UGDH: variants seen among roughly 807,000 people sequenced by gnomAD.
UGDH encodes the protein UDP-Glc dehydrogenase.
Under a neutral mutation model 50.6 loss-of-function variants are expected in UGDH, and 38 were observed. The ratio of observed to expected loss-of-function variants is 0.75; its 90% CI spans 0.58 to 0.98. The LOEUF (loss-of-function observed/expected upper bound fraction) is 0.98. Among genes scored for constraint, UGDH ranks in the 50% least tolerant of loss-of-function variants. UGDH has a pLI of 0.00. For synonymous variants in UGDH, 168 were observed against 199.9 expected, an observed-to-expected ratio of 0.84 and a Z score of 1.35; for missense variants, 465 against 606.2, an observed-to-expected ratio of 0.77 and a Z score of 2.45.
At chr4:39,520,775 T>G (rs1284305777) in intron 2 of UGDH, among the ~76,000 whole-genome samples, 1 of 151,564 alleles carries the variant, frequency 6.6e-6, no homozygotes, top group Non-Finnish European at 1.5e-5. Context: ...CAGACAAAAT[T>G]AGGAAACAGG....
rs547660133 is a variant in UGDH at position 39,498,844 on chromosome 4, T to C, written c.*1299A>G. 97 of 152,310 alleles carry C rather than the reference T, an allele frequency of 6.4e-4. No homozygotes were observed. Among genetic ancestry groups the C allele is most frequent in the African/African-American group, 2.2e-3 (90 of 41,576 alleles). 9.4% of individuals were successfully genotyped at this position (152,310 alleles called of 1,614,324 possible). On this transcript the variant is annotated 3_prime_UTR_variant, in exon 12 of 12. Transcript: ENST00000316423. ...CTTTATATTTGTCTCCCTCTTCTCA[T>C]TGAACTGCAAAATTCCTGAAGGATG...
At chr4:39,523,099 G>A (rs1264262874) in intron 1 of UGDH, among the ~76,000 whole-genome samples, 2 of 152,002 alleles carry the variant, frequency 1.3e-5, no homozygotes, top group Non-Finnish European at 2.9e-5. Context: ...CACACAGGCT[G>A]AAGTGCAGTG....
intron 11 of UGDH, among the ~76,000 whole-genome samples, chr4:39,502,531 A>G (rs1745860044): frequency 6.6e-6 from 1 of 152,164 alleles, no homozygotes; most frequent in Non-Finnish European, 1.5e-5. Flanking sequence ...TGGGCACTAC[A>G]TTGACAACAA....
At chr4:39,525,779 G>C (rs1166013409) in intron 1 of UGDH, among the ~76,000 whole-genome samples, 2 of 152,324 alleles carry the variant, frequency 1.3e-5, no homozygotes, top group Admixed American at 6.5e-5. Context: ...AAAGTGCTGG[G>C]ATTACAGGCG....
Position 39,510,656 on chromosome 4 carries a change from T to C in UGDH, c.465+5A>G. ...AACCAGATTCTAATGCTTCATTTTT[T>C]ATACCTGTAAATTCAAGTTGGGTTT... On this transcript the variant is annotated splice_donor_5th_base_variant and intron_variant, in intron 4 of 11. Transcript: ENST00000316423. 6.2e-7 allele frequency: 1 copy of C among 1,614,234 alleles called. No individual in the cohort carries two copies. Among genetic ancestry groups the C allele is most frequent in the Non-Finnish European group, 8.5e-7 (1 of 1,180,034 alleles).
chr4:39,524,671 G>A (rs1318149629), intron 1 of UGDH, among the ~76,000 whole-genome samples: 3 of 152,014 alleles, frequency 2.0e-5, no homozygotes, highest in African/African-American at 7.3e-5. Flanking sequence ...ACCATGTCCA[G>A]CTAATGTTTG....
chr4:39,502,519 C>A (rs1487668403), intron 11 of UGDH, among the ~76,000 whole-genome samples: 2 of 152,158 alleles, frequency 1.3e-5, no homozygotes, highest in African/African-American at 4.8e-5. Flanking sequence ...TTTCTGCTTG[C>A]TTGGGCACTA....
rs1746170151 is a variant in UGDH, at chr4:39,509,885, T to C, written c.686A>G (p.Gln229Arg). The part of the protein sequence containing the change: ...SKLAANAFLA[Q>R]RISSINSISA... ...TATGGAGTTAATGCTGCTTATTCTC[T>C]GGGCAAGAAAAGCATTTGCTGCCTT... The change falls in exon 6 of 12, where the codon CAG becomes CGG. Residue 229 changes from glutamine (Q) to arginine (R), a missense_variant. Gln to Arg is a conservative substitution (Grantham distance 43). Transcript: ENST00000316423. 1 of 1,594,506 alleles carries C rather than the reference T, an allele frequency of 6.3e-7. No individual in the cohort carries two copies. The highest frequency in any genetic ancestry group is 8.5e-7 in the Non-Finnish European group (1 of 1,175,444).
chr4:39,501,834 CATCTT>C (rs1299652856), intron 11 of UGDH, among the ~76,000 whole-genome samples: 1 of 152,168 alleles, frequency 6.6e-6, no homozygotes, highest in Non-Finnish European at 1.5e-5. Flanking sequence ...TCAAAATCAT[CATCTT>C]ATCATTAAAA....
rs112526869 is a variant in UGDH, at chr4:39,503,162, G to A, written c.1374+713C>T. ...GAACTCCTGACCTTGTGATCCGCCC[G>A]CCTCAGCCTCCCAAAGTGCTGGGAT... On this transcript the variant is annotated intron_variant, in intron 11 of 11. Coordinates refer to ENST00000316423, the MANE Select transcript of UGDH (RefSeq NM_003359.4). Among the ~76,000 whole-genome samples, 792 of 152,158 alleles carry A rather than the reference G, an allele frequency of 5.2e-3. 6 individuals are homozygous for A. The highest frequency in any genetic ancestry group is 0.017 in the African/African-American group (691 of 41,530).
At chr4:39,511,561 C>T (rs533879956) in intron 3 of UGDH, among the ~76,000 whole-genome samples, 2 of 152,146 alleles carry the variant, frequency 1.3e-5, no homozygotes, top group Admixed American at 6.5e-5. Context: ...CCGCACCTGG[C>T]CTCCTTTCTT....
intron 7 of UGDH, among the ~76,000 whole-genome samples, chr4:39,507,773 C>T (rs897225259): frequency 2.0e-5 from 3 of 151,930 alleles, no homozygotes; most frequent in South Asian, 4.2e-4. Flanking sequence ...TATAGTGAGA[C>T]CTTGTCTCTA....
chr4:39,508,422 T>A, intron 7 of UGDH, 144 bp downstream of exon 7: 1 of 673,436 alleles, frequency 1.5e-6, no homozygotes, highest in Non-Finnish European at 2.4e-6. Flanking sequence ...TTTGTAGAGA[T>A]GGGGTCTCAC....
Position 39,499,931 on chromosome 4 carries a change from G to C in UGDH, c.*212C>G. On this transcript the variant is annotated 3_prime_UTR_variant, in exon 12 of 12. Transcript: ENST00000316423. Reference sequence around the variant, plus strand: ...TGTAGTCCCAGCTACTTGGGAGGCTGAGCCAGGAGAATGGCGTGAACCTGG... The same window carrying C: ...TGTAGTCCCAGCTACTTGGGAGGCTCAGCCAGGAGAATGGCGTGAACCTGG... 1 of 351,730 alleles carries C rather than the reference G, an allele frequency of 2.8e-6. No homozygotes were observed. Among genetic ancestry groups the C allele is most frequent in the Non-Finnish European group, 5.2e-6 (1 of 193,506 alleles). The allele number at this position is 351,730 out of a possible 1,614,324, so 21.8% of individuals were successfully genotyped here. A position where few individuals can be genotyped will look rare whatever the true frequency, so the allele number is the denominator to read the frequency against.
At chr4:39,505,572 G>A in intron 8 of UGDH, 46 bp downstream of exon 8, 1 of 1,521,208 alleles carries the variant, frequency 6.6e-7, no homozygotes, top group East Asian at 2.3e-5. Context: ...AAGATGAGGA[G>A]TTAACACAAT....
chr4:39,516,638 T>G (rs564055958), intron 2 of UGDH, among the ~76,000 whole-genome samples: 1 of 152,306 alleles, frequency 6.6e-6, no homozygotes, highest in East Asian at 1.9e-4. Flanking sequence ...GGCAACTCCC[T>G]TTTCTCCAAT....
At chr4:39,503,753 CAT>C in intron 11 of UGDH, 120 bp downstream of exon 11, 1 of 770,000 alleles carries the variant, frequency 1.3e-6, no homozygotes, top group Non-Finnish European at 2.0e-6. Flanking sequence ...ATTAGCCAAA[CAT>C]ATTCTGACCT....
intron 2 of UGDH, among the ~76,000 whole-genome samples, chr4:39,516,684 T>A (rs999842444): frequency 6.6e-6 from 1 of 152,150 alleles, no homozygotes; most frequent in Non-Finnish European, 1.5e-5. Flanking sequence ...AATTGGAGGA[T>A]GTGAAAAATG....
chr4:39,502,046 T>A (rs1408113105), intron 11 of UGDH, among the ~76,000 whole-genome samples: 1 of 152,108 alleles, frequency 6.6e-6, no homozygotes, highest in Admixed American at 6.6e-5. Flanking sequence ...CCATTCCTGT[T>A]TTTTTTTAAT....
Sources: gnomAD v4.1 joint callset for allele counts (sites outside exome capture counted in the v4.1 genomes callset) on GRCh38, gnomAD v4.1.1 for gene constraint, MANE v1.5 for transcripts, NCBI Gene and HGNC (gene_info 2026-07-23, HGNC 2026-07-21) for gene names.